Variants in PAPPA2 observed in about 807,000 individuals in gnomAD.
PAPPA2 encodes pappalysin-2.
PAPPA2 carries 86 observed loss-of-function variants against 176.4 expected under a neutral mutation model. The observed-to-expected ratio is 0.49, with a 90% CI of 0.41 to 0.58. The LOEUF (loss-of-function observed/expected upper bound fraction) is 0.58. Ranked by LOEUF, PAPPA2 falls within the 20% of genes least tolerant of loss-of-function variation. The pLI is 0.00. For missense variants in PAPPA2, 2,073 were observed against 2,256.9 expected, an observed-to-expected ratio of 0.92 and a Z score of 1.65; for synonymous variants, 809 against 852.2, an observed-to-expected ratio of 0.95 and a Z score of 0.88.
intron 4 of PAPPA2, among the ~76,000 whole-genome samples, chr1:176,672,584 A>C (rs1659073152): frequency 6.6e-6 from 1 of 152,180 alleles, no homozygotes; most frequent in Non-Finnish European, 1.5e-5. Flanking sequence ...CCAAAAAAAA[A>C]AAGAAAAGAT....
rs937041376 is a variant in PAPPA2, at chr1:176,555,531, G to T, written c.-792G>T. On this transcript the variant is annotated 5_prime_UTR_variant, in exon 2 of 23. Coordinates refer to ENST00000367662, the MANE Select transcript of PAPPA2 (RefSeq NM_020318.3). ...CAACCTATCAACAAGTTGGATGAGG[G>T]ATTAAAAGCCTTCAACAACCAACAA... The T allele has an allele frequency of 1.3e-5, 2 of 152,210 alleles. No homozygotes were observed. The highest frequency in any genetic ancestry group is 6.5e-5 in the Admixed American group (1 of 15,272). 9.4% of individuals were successfully genotyped at this position (152,210 alleles called of 1,614,324 possible). A position where few individuals can be genotyped will look rare whatever the true frequency, so the allele number is the denominator to read the frequency against.
At chr1:176,814,565 TC>T (rs1198979847) in intron 21 of PAPPA2, among the ~76,000 whole-genome samples, 4 of 152,320 alleles carry the variant, frequency 2.6e-5, no homozygotes, top group Admixed American at 1.3e-4. Context: ...GAAAGTTCAT[TC>T]ATTATTTGGC....
intron 21 of PAPPA2, among the ~76,000 whole-genome samples, chr1:176,839,067 G>A (rs570677311): frequency 5.3e-5 from 8 of 152,270 alleles, no homozygotes; most frequent in African/African-American, 7.2e-5. Context: ...AAGGAGGGTC[G>A]GGGGAAGAGA....
intron 3 of PAPPA2, among the ~76,000 whole-genome samples, chr1:176,599,175 G>A (rs1369768905): frequency 6.7e-6 from 1 of 149,722 alleles, no homozygotes; most frequent in Non-Finnish European, 1.5e-5. Flanking sequence ...ACCCATATAT[G>A]TATGTATGTA....
intron 8 of PAPPA2, among the ~76,000 whole-genome samples, chr1:176,702,245 A>G (rs764638792): frequency 9.2e-5 from 14 of 152,214 alleles, no homozygotes; most frequent in Non-Finnish European, 1.5e-4. Flanking sequence ...TTCTTTGATT[A>G]CTTTGATGAT....
At chr1:176,745,911 A>C (rs1261324297) in intron 14 of PAPPA2, among the ~76,000 whole-genome samples, 1 of 152,226 alleles carries the variant, frequency 6.6e-6, no homozygotes, top group Non-Finnish European at 1.5e-5. Context: ...GAAAGCTGTC[A>C]CTGTGGTGCT....
chr1:176,542,010 C>T (rs1444513981), intron 1 of PAPPA2, among the ~76,000 whole-genome samples: 1 of 152,144 alleles, frequency 6.6e-6, no homozygotes, highest in Non-Finnish European at 1.5e-5. Context: ...TTCTTATTTT[C>T]CTGAAGTCTG....
chr1:176,514,436 A>C (rs1430113956), intron 1 of PAPPA2, among the ~76,000 whole-genome samples: 1 of 152,116 alleles, frequency 6.6e-6, no homozygotes, highest in Non-Finnish European at 1.5e-5. Context: ...CTGGGGATCA[A>C]ATTTCAACGT....
chr1:176,567,362 G>A (rs778901875), intron 2 of PAPPA2, among the ~76,000 whole-genome samples: 8 of 152,152 alleles, frequency 5.3e-5, no homozygotes, highest in Non-Finnish European at 7.4e-5. Flanking sequence ...CTATCAAGAC[G>A]AGCAAGTATG....
chr1:176,840,047 G>C lies in PAPPA2; in HGVS notation c.5203-126G>C. The C allele has an allele frequency of 4.2e-6, 3 of 718,778 alleles. No individual in the cohort carries two copies. In the South Asian group the frequency reaches 5.7e-5, roughly 14 times the overall value. The allele number at this position is 718,778 out of a possible 1,614,324, so 44.5% of individuals were successfully genotyped here. ...CAAATATTAGGTCAATTTGTGTCCT[G>C]CACCTTGGGTGCTTTTCTGTAATAT... On this transcript the variant is annotated intron_variant, in intron 21 of 22. Coordinates refer to ENST00000367662, the MANE Select transcript of PAPPA2 (RefSeq NM_020318.3).
chr1:176,682,600 C>G (rs1659637630), intron 4 of PAPPA2, among the ~76,000 whole-genome samples: 1 of 152,006 alleles, frequency 6.6e-6, no homozygotes, highest in African/African-American at 2.4e-5. Context: ...GTGTTAAGAA[C>G]ATTGTATTCT....
chr1:176,587,557 C>T (rs989209230), intron 2 of PAPPA2, among the ~76,000 whole-genome samples: 1 of 152,190 alleles, frequency 6.6e-6, no homozygotes, highest in Admixed American at 6.5e-5. Flanking sequence ...ATCCTTTCCC[C>T]ATTCCCTGTT....
intron 14 of PAPPA2, among the ~76,000 whole-genome samples, chr1:176,754,723 T>G (rs1329792975): frequency 6.6e-6 from 1 of 152,234 alleles, no homozygotes; most frequent in Admixed American, 6.5e-5. Flanking sequence ...CAGTATAGTC[T>G]GTATTCATGG....
chr1:176,695,316 A>G (rs1395206799), intron 6 of PAPPA2, among the ~76,000 whole-genome samples: 4 of 152,204 alleles, frequency 2.6e-5, no homozygotes, highest in Admixed American at 6.5e-5. Flanking sequence ...ATAAGGACAC[A>G]TATGGCTAAT....
At chr1:176,614,090 C>A (rs1320492794) in intron 3 of PAPPA2, among the ~76,000 whole-genome samples, 1 of 152,146 alleles carries the variant, frequency 6.6e-6, no homozygotes, top group Admixed American at 6.5e-5. Flanking sequence ...CTAGAGCAGG[C>A]AGTATTCTGC....
chr1:176,479,435 T>C (rs1652283690), intron 1 of PAPPA2, among the ~76,000 whole-genome samples: 1 of 152,022 alleles, frequency 6.6e-6, no homozygotes, highest in African/African-American at 2.4e-5. Flanking sequence ...AAGAAAATTG[T>C]ATAGCAGACT....
chr1:176,784,349 G>A (rs10913251), intron 17 of PAPPA2, among the ~76,000 whole-genome samples: 61,787 of 151,796 alleles, frequency 0.41, 13,985 homozygotes, highest in African/African-American at 0.6. Flanking sequence ...TTTCATTAAC[G>A]ATTTTAAAGG....
Position 176,690,280 on chromosome 1 carries a change from A to G in PAPPA2, c.2281A>G (p.Thr761Ala), listed in dbSNP as rs1327739406. The G allele has an allele frequency of 6.2e-7, 1 of 1,614,088 alleles. No individual in the cohort carries two copies. The highest frequency in any genetic ancestry group is 8.5e-7 in the Non-Finnish European group (1 of 1,179,982). ...RESCNDPCKE[T>A]VPSMETGDLC... is the part of the protein sequence containing the mutation. ...ATCCTGCAATGACCCCTGCAAGGAG[A>G]CAGTGCCATCCATGGAAACGGGAGA... Residue 761 changes from threonine to alanine, a missense_variant, in exon 5 of 23, where the codon ACA (threonine) becomes GCA (alanine). Thr to Ala is a moderately conservative substitution (Grantham distance 58, BLOSUM62 0). Coordinates refer to ENST00000367662, the MANE Select transcript of PAPPA2 (RefSeq NM_020318.3).
At chr1:176,832,377 G>C (rs952725273) in intron 21 of PAPPA2, among the ~76,000 whole-genome samples, 2 of 151,804 alleles carry the variant, frequency 1.3e-5, no homozygotes, top group African/African-American at 4.8e-5. Flanking sequence ...TCTTTTTTTT[G>C]AGACAGAGTC....
Sources: gnomAD v4.1 joint callset for allele counts (sites outside exome capture counted in the v4.1 genomes callset) on GRCh38, gnomAD v4.1.1 for gene constraint, MANE v1.5 for transcripts, NCBI Gene and HGNC (gene_info 2026-07-23, HGNC 2026-07-21) for gene names.